RDH14: variants seen among roughly 807,000 people sequenced by gnomAD.
The protein encoded by RDH14 is alcohol dehydrogenase PAN2.
RDH14 carries 17 observed loss-of-function variants against 19.3 expected under a neutral mutation model. That is an observed-to-expected ratio of 0.88 (90% confidence interval 0.60 to 1.32). The LOEUF is 1.32. Among genes scored for constraint, RDH14 ranks in the 40% most tolerant of loss-of-function variants. The pLI, the probability that RDH14 is intolerant of heterozygous loss-of-function variation, is 0.00. For missense variants in RDH14, 534 were observed against 449.2 expected, an observed-to-expected ratio of 1.19 and a Z score of -1.71; for synonymous variants, 215 against 188.9, an observed-to-expected ratio of 1.14 and a Z score of -1.13.
In RDH14 at chr2:18,555,306, G is replaced by C; in HGVS notation, c.896C>G (p.Ser299Ter). Residue 299 changes from serine to a stop codon, truncating the protein, a stop_gained, in exon 2 of 2, where the codon TCA (serine) becomes TGA (stop). Coordinates refer to ENST00000381249, the MANE Select transcript of RDH14 (RefSeq NM_020905.4). LOFTEE classifies it high-confidence loss of function. ...LASSPEVEGV[S>*]GRYFGDCKEE... ...TTTACAATCCCCAAAGTATCTTCCT[G>C]ACACTCCTTCTACCTCAGGTGAAGA... The C allele has an allele frequency of 6.2e-7, 1 of 1,614,032 alleles. No homozygotes were observed. The highest frequency in any genetic ancestry group is 8.5e-7 in the Non-Finnish European group (1 of 1,179,980).
rs1219927422 is a variant in RDH14, at chr2:18,555,330, G to C, written c.872C>G (p.Ser291Cys). The C allele has an allele frequency of 1.2e-6, 2 of 1,613,940 alleles. No individual in the cohort carries two copies. Among genetic ancestry groups the C allele is most frequent in the Non-Finnish European group, 1.7e-6 (2 of 1,179,976 alleles). Residue 291 changes from serine (S) to cysteine (C), a missense_variant, in exon 2 of 2, where the codon TCT becomes TGT. Ser to Cys is a moderately radical substitution (Grantham distance 112, BLOSUM62 -1). Coordinates refer to ENST00000381249, the MANE Select transcript of RDH14 (RefSeq NM_020905.4). ...TGACACTCCTTCTACCTCAGGTGAA[G>C]AGGCCAAATAAATGGAAGTCTGGGC... ...EGAQTSIYLASSPEVEGVSGR... is the reference protein window; with the variant it reads ...EGAQTSIYLACSPEVEGVSGR...
At position 18,557,541 on chromosome 2, in the gene RDH14, G is replaced by A. The variant is rs184624291; in HGVS notation, c.394-1733C>T. On this transcript the variant is annotated intron_variant, in intron 1 of 1. Transcript: ENST00000381249. ...ATTTGTTATCCAGCATTCTTTGCTG[G>A]GCTTGTGTTATTTTAAAATTTTGTC... Among the ~76,000 whole-genome samples the A allele has an allele frequency of 2.0e-5, 3 of 151,922 alleles. No homozygotes were observed. The East Asian group carries it at 5.8e-4, about 29-fold the overall frequency.
In RDH14 at chr2:18,560,640, G is replaced by C; in HGVS notation, c.-68C>G. 1.5e-6 allele frequency: 2 copies of C among 1,369,938 alleles called. No homozygotes were observed. The highest frequency in any genetic ancestry group is 9.3e-7 in the Non-Finnish European group (1 of 1,070,280). The allele number at this position is 1,369,938 out of a possible 1,614,324, so 84.9% of individuals were successfully genotyped here. ...CAGCCGCCGCCTTACCGGAACCCAA[G>C]AGACCACCTGTACGCGGAGAACGCT... On this transcript the variant is annotated 5_prime_UTR_variant, in exon 1 of 2. Transcript: ENST00000381249.
intron 1 of RDH14, 92 bp from the exon 2 acceptor site, chr2:18,555,900 T>G: frequency 6.7e-7 from 1 of 1,494,504 alleles, no homozygotes; most frequent in South Asian, 1.5e-5. Flanking sequence ...TTAATAAAAA[T>G]GGGCACTTGA....
At chr2:18,557,502 T>C (rs1409942059) in intron 1 of RDH14, among the ~76,000 whole-genome samples, 2 of 152,248 alleles carry the variant, frequency 1.3e-5, no homozygotes, top group Admixed American at 1.3e-4. Context: ...TTGGAAGATT[T>C]TCCTGAATTA....
rs960678609 is a variant in RDH14 at position 18,555,162 on chromosome 2, T to C, written c.*29A>G. The stretch of plus-strand genomic sequence containing the variant: ...ATCACAGATATAACTGATATGCAGT[T>C]TTATAAACAGCTCTTTTACTCCTTG... On this transcript the variant is annotated 3_prime_UTR_variant, in exon 2 of 2. Coordinates refer to ENST00000381249, the MANE Select transcript of RDH14 (RefSeq NM_020905.4). 3.1e-6 allele frequency: 5 copies of C among 1,602,846 alleles called. No homozygotes were observed. The highest frequency in any genetic ancestry group is 4.5e-5 in the East Asian group (2 of 44,736).
At position 18,554,749 on chromosome 2, in the gene RDH14, T is replaced by C. The variant is rs529534435; in HGVS notation, c.*442A>G. On this transcript the variant is annotated 3_prime_UTR_variant, in exon 2 of 2. Transcript: ENST00000381249. ...TAAGAATTTGTACCAGTAAATTTATTCCAAGTAAGACTTGTGTGCACACAC... is the reference window on the plus strand; with the variant it reads ...TAAGAATTTGTACCAGTAAATTTATCCCAAGTAAGACTTGTGTGCACACAC... 1.2e-4 allele frequency: 20 copies of C among 168,388 alleles called. No homozygotes were observed. The South Asian group carries it at 2.4e-3, about 20-fold the overall frequency. The allele number at this position is 168,388 out of a possible 1,614,324, so 10.4% of individuals were successfully genotyped here.
At chr2:18,557,332 T>C (rs1663950897) in intron 1 of RDH14, among the ~76,000 whole-genome samples, 1 of 152,220 alleles carries the variant, frequency 6.6e-6, no homozygotes, top group African/African-American at 2.4e-5. Flanking sequence ...AAAAATGTGT[T>C]ACATTTCACA....
Position 18,555,040 on chromosome 2 carries a change from G to A in RDH14, c.*151C>T. 1 of 1,218,150 alleles carries A rather than the reference G, an allele frequency of 8.2e-7. No individual in the cohort carries two copies. The highest frequency in any genetic ancestry group is 1.1e-6 in the Non-Finnish European group (1 of 905,692). The allele number at this position is 1,218,150 out of a possible 1,614,324, so 75.5% of individuals were successfully genotyped here. ...CTCTTATCCCAAAAATAATTTTTCA[G>A]TAACTCCAAAATACCCACATGTACC... On this transcript the variant is annotated 3_prime_UTR_variant, in exon 2 of 2. Transcript: ENST00000381249.
At chr2:18,558,338 A>T (rs1663981038) in intron 1 of RDH14, among the ~76,000 whole-genome samples, 1 of 152,202 alleles carries the variant, frequency 6.6e-6, no homozygotes, top group South Asian at 2.1e-4. Flanking sequence ...TTATCTTCTC[A>T]AATAGCTACT....
intron 1 of RDH14, among the ~76,000 whole-genome samples, 153 bp from the exon 2 acceptor site, chr2:18,555,961 T>C (rs1387958564): frequency 6.6e-6 from 1 of 152,234 alleles, no homozygotes; most frequent in African/African-American, 2.4e-5. Flanking sequence ...GAGAACTACT[T>C]GAAACACTGG....
Position 18,560,489 on chromosome 2 carries a change from C to A in RDH14, c.84G>T (p.Arg28Ser), listed in dbSNP as rs773482520. ...WLAARRFVGP[R>S]VQRLRRGGDP... is the part of the protein sequence containing the mutation. ...CCCCGCCTCTGCGCAGCCGCTGGACCCTGGGCCCCACGAACCGGCGGGCCG... is the reference window on the plus strand; with the variant it reads ...CCCCGCCTCTGCGCAGCCGCTGGACACTGGGCCCCACGAACCGGCGGGCCG... Residue 28 changes from arginine (R) to serine (S), a missense_variant, in exon 1 of 2, where the codon AGG becomes AGT. By Grantham distance (110) the Arg-to-Ser change is moderately radical. Coordinates refer to ENST00000381249, the MANE Select transcript of RDH14 (RefSeq NM_020905.4). The A allele has an allele frequency of 6.6e-7, 1 of 1,514,880 alleles. No individual in the cohort carries two copies. Among genetic ancestry groups the A allele is most frequent in the Non-Finnish European group, 8.8e-7 (1 of 1,139,576 alleles). The allele number at this position is 1,514,880 out of a possible 1,614,324, so 93.8% of individuals were successfully genotyped here.
intron 1 of RDH14, 131 bp from the exon 2 acceptor site, chr2:18,555,939 G>C: frequency 7.0e-7 from 1 of 1,429,918 alleles, no homozygotes; most frequent in Non-Finnish European, 9.3e-7. Flanking sequence ...TCAGTTGTTG[G>C]TCTATCGATC....
chr2:18,557,031 C>T (rs936189844), intron 1 of RDH14, among the ~76,000 whole-genome samples: 7 of 152,034 alleles, frequency 4.6e-5, no homozygotes, highest in African/African-American at 1.4e-4. Flanking sequence ...AAATATCCAG[C>T]GTAAAGGGGA....
Position 18,555,370 on chromosome 2 carries a change from T to G in RDH14, c.832A>C (p.Thr278Pro). ...FNLVSWAFFKTPVEGAQTSIY... is the reference protein window; with the variant it reads ...FNLVSWAFFKPPVEGAQTSIY... ...GAAGTCTGGGCACCTTCTACTGGAG[T>G]TTTGAAAAAAGCCCATGACACCAAA... The change falls in exon 2 of 2, where the codon ACT becomes CCT. Residue 278 changes from threonine to proline, a missense_variant. By Grantham distance (38) the Thr-to-Pro change is conservative. Transcript: ENST00000381249. 1 of 1,613,932 alleles carries G rather than the reference T, an allele frequency of 6.2e-7. No homozygotes were observed. The highest frequency in any genetic ancestry group is 8.5e-7 in the Non-Finnish European group (1 of 1,179,948).
At position 18,560,287 on chromosome 2, in the gene RDH14, C is replaced by G. The variant is rs1434956264; in HGVS notation, c.286G>C (p.Glu96Gln). ...CTGACGCCAGGCTCTGGGCCGCACT[C>G]CGCGGCCTGGCGGAGCTCGCGGCGG... ...QLRRELRQAA[E>Q]CGPEPGVSGV... is the part of the protein sequence containing the mutation. Residue 96 changes from glutamate (E) to glutamine (Q), a missense_variant, in exon 1 of 2, where the codon GAG becomes CAG. Physicochemically the swap from Glu to Gln is conservative, Grantham distance 29. Transcript: ENST00000381249. The G allele has an allele frequency of 1.3e-6, 2 of 1,493,072 alleles. No homozygotes were observed. The highest frequency in any genetic ancestry group is 1.8e-6 in the Non-Finnish European group (2 of 1,129,540). The allele number at this position is 1,493,072 out of a possible 1,614,324, so 92.5% of individuals were successfully genotyped here.
At chr2:18,557,942 GA>G (rs1663967692) in intron 1 of RDH14, among the ~76,000 whole-genome samples, 1 of 152,166 alleles carries the variant, frequency 6.6e-6, no homozygotes, top group Admixed American at 6.5e-5. Context: ...AACAGCTCCC[GA>G]ACTGTGGCCT....
chr2:18,560,446 C>G lies in RDH14; in HGVS notation c.127G>C (p.Gly43Arg). ...GCCCCGGTGATCAGCACAGTCTTCC[C>G]GTGCATGAGGCCGGGGTCCCCGCCT... Reference protein sequence around the residue: ...RRGGDPGLMHGKTVLITGANS... With the variant: ...RRGGDPGLMHRKTVLITGANS... The change falls in exon 1 of 2, where the codon GGG becomes CGG. Residue 43 changes from glycine (G) to arginine (R), a missense_variant. Gly to Arg is a moderately radical substitution (Grantham distance 125). Coordinates refer to ENST00000381249, the MANE Select transcript of RDH14 (RefSeq NM_020905.4). 1.3e-6 allele frequency: 2 copies of G among 1,514,568 alleles called. No homozygotes were observed. The highest frequency in any genetic ancestry group is 1.8e-6 in the Non-Finnish European group (2 of 1,139,594). The allele number at this position is 1,514,568 out of a possible 1,614,324, so 93.8% of individuals were successfully genotyped here.
In RDH14 at chr2:18,559,410, C is replaced by T. The variant is rs554546974; in HGVS notation, c.393+770G>A. 2.0e-5 allele frequency among the ~76,000 whole-genome samples: 3 copies of T among 152,328 alleles called. No individual in the cohort carries two copies. The South Asian group carries it at 6.2e-4, about 32-fold the overall frequency. On this transcript the variant is annotated intron_variant, in intron 1 of 1. Coordinates refer to ENST00000381249, the MANE Select transcript of RDH14 (RefSeq NM_020905.4). ...TCTTAGCCTTCCTATGCCTCAGTTT[C>T]CTCGCGTTGTAAAACAGGGATGATA...
Sources: gnomAD v4.1 joint callset for allele counts (sites outside exome capture counted in the v4.1 genomes callset) on GRCh38, gnomAD v4.1.1 for gene constraint, MANE v1.5 for transcripts, NCBI Gene and HGNC (gene_info 2026-07-23, HGNC 2026-07-21) for gene names.